The following BANK1 variants were observed in gnomAD, a reference collection of about 807,000 sequenced individuals.
BANK1 encodes the protein B-cell scaffold protein with ankyrin repeats.
In BANK1, 95 loss-of-function variants were observed where a neutral mutation model predicts 94.5. That is an observed-to-expected ratio of 1.00 (90% CI 0.85 to 1.19). The LOEUF (loss-of-function observed/expected upper bound fraction) is 1.19. BANK1 is among the 50% of genes most tolerant of loss of function. The probability of loss-of-function intolerance (pLI) is 0.00; values close to 1 mark genes in which losing one functional copy is unlikely to be tolerated. For synonymous variants in BANK1, 334 were observed against 308.4 expected, an observed-to-expected ratio of 1.08 and a Z score of -0.87; for missense variants, 987 against 932.2, an observed-to-expected ratio of 1.06 and a Z score of -0.77.
intron 3 of BANK1, among the ~76,000 whole-genome samples, chr4:101,855,890 T>C (rs1047881935): frequency 1.3e-5 from 2 of 152,152 alleles, no homozygotes; most frequent in Non-Finnish European, 2.9e-5. Flanking sequence ...TGGGAATATA[T>C]GTTCCTAGCA....
intron 7 of BANK1, among the ~76,000 whole-genome samples, chr4:102,002,434 G>A (rs1457092695): frequency 6.6e-6 from 1 of 151,410 alleles, no homozygotes; most frequent in African/African-American, 2.4e-5. Context: ...TGTGTGAAAA[G>A]CACATAGTGC....
intron 1 of BANK1, among the ~76,000 whole-genome samples, chr4:101,802,541 G>A (rs1474566615): frequency 6.6e-6 from 1 of 152,148 alleles, no homozygotes; most frequent in Admixed American, 6.5e-5. Context: ...CTGCTAAGAA[G>A]TTAGCAATTA....
Position 101,829,803 on chromosome 4 carries a change from TCCAGG to T in BANK1, c.71-4_71del, listed in dbSNP as rs1578341855. 1 of 1,504,454 alleles carries T rather than the reference TCCAGG, an allele frequency of 6.6e-7. No homozygotes were observed. The highest frequency in any genetic ancestry group is 8.9e-7 in the Non-Finnish European group (1 of 1,121,132). The allele number at this position is 1,504,454 out of a possible 1,614,324, so 93.2% of individuals were successfully genotyped here. A position where few individuals can be genotyped will look rare whatever the true frequency, so the allele number is the denominator to read the frequency against. ...AATATAAGAAAATATTTTTTCTTTT[TCCAGG>T]AAATACAAAAGATATAATAATGATA... On this transcript the variant is annotated splice_acceptor_variant and splice_polypyrimidine_tract_variant and coding_sequence_variant and intron_variant, in exon 2 of 17. Transcript: ENST00000322953. LOFTEE classifies it high-confidence loss of function.
At position 101,823,619 on chromosome 4, in the gene BANK1, T is replaced by G. The variant is rs1043275675; in HGVS notation, c.71-6189T>G. ...TGATTAGAGGTGGGATTAGAACATT[T>G]TCAGTTTATATATCCAGGGTTAGGA... On this transcript the variant is annotated intron_variant, in intron 1 of 16. Transcript: ENST00000322953. Among the ~76,000 whole-genome samples, 23 of 152,352 alleles carry G rather than the reference T, an allele frequency of 1.5e-4. No individual in the cohort carries two copies. The South Asian group carries it at 3.1e-3, about 21-fold the overall frequency.
Position 101,830,172 on chromosome 4 carries a change from C to T in BANK1, c.435C>T (p.Asp145=), listed in dbSNP as rs562959944. Residue 145 remains aspartate (D), a synonymous_variant, in exon 2 of 17, where the codon GAC becomes GAT. Coordinates refer to ENST00000322953, the MANE Select transcript of BANK1 (RefSeq NM_017935.5). ...TCTCAACTGAACAGGAACCTGAAGA[C>T]TACATCTCTGTAATCCAGAGTATCA... ...WEISTEQEPE[D]YISVIQSIIF... 17 of 1,579,754 alleles carry T rather than the reference C, an allele frequency of 1.1e-5. No individual in the cohort carries two copies. The African/African-American group carries it at 2.2e-4, about 20-fold the overall frequency.
intron 7 of BANK1, among the ~76,000 whole-genome samples, chr4:102,018,887 C>T (rs1204203637): frequency 1.4e-5 from 2 of 148,026 alleles, no homozygotes; most frequent in African/African-American, 2.5e-5. Flanking sequence ...GGTGCGATCT[C>T]GGCTCACTGC....
intron 13 of BANK1, among the ~76,000 whole-genome samples, chr4:102,067,211 C>T (rs571408264): frequency 2.0e-5 from 3 of 151,742 alleles, no homozygotes; most frequent in East Asian, 1.9e-4. Flanking sequence ...CTATTTGATT[C>T]GCCAAAAATA....
At chr4:101,842,917 C>G (rs1389558174) in intron 2 of BANK1, among the ~76,000 whole-genome samples, 1 of 152,156 alleles carries the variant, frequency 6.6e-6, no homozygotes, top group Non-Finnish European at 1.5e-5. Flanking sequence ...GACATCATTT[C>G]TTGATTTACA....
chr4:101,833,725 C>G (rs1468117663), intron 2 of BANK1, among the ~76,000 whole-genome samples: 1 of 152,132 alleles, frequency 6.6e-6, no homozygotes, highest in Non-Finnish European at 1.5e-5. Context: ...TCACTGTTTC[C>G]TATTTCCTCT....
chr4:101,819,147 A>G (rs1319043778), intron 1 of BANK1, among the ~76,000 whole-genome samples: 1 of 152,120 alleles, frequency 6.6e-6, no homozygotes, highest in African/African-American at 2.4e-5. Flanking sequence ...CCCAAAAAAT[A>G]CCATGGTGGT....
intron 10 of BANK1, among the ~76,000 whole-genome samples, chr4:102,033,381 G>A (rs954319448): frequency 6.6e-6 from 1 of 152,084 alleles, no homozygotes; most frequent in African/African-American, 2.4e-5. Context: ...AAGTACATTT[G>A]GATGGTTTTC....
chr4:101,803,647 T>A (rs1380689594), intron 1 of BANK1, among the ~76,000 whole-genome samples: 4 of 152,156 alleles, frequency 2.6e-5, no homozygotes, highest in Non-Finnish European at 4.4e-5. Flanking sequence ...ATATTGGAAA[T>A]TTTTTGGATA....
At position 101,918,155 on chromosome 4, in the gene BANK1, A is replaced by T; in HGVS notation, c.1172A>T (p.His391Leu). 1 of 1,588,858 alleles carries T rather than the reference A, an allele frequency of 6.3e-7. No homozygotes were observed. Among genetic ancestry groups the T allele is most frequent in the South Asian group, 1.2e-5 (1 of 84,920 alleles). ...DPAHIAERHG[H>L]KELKKIFEDF... ...GCACATATTGCTGAAAGGCATGGTC[A>T]CAAAGAACTCAAGAAAATCTTCGAA... Residue 391 changes from histidine to leucine, a missense_variant, in exon 7 of 17, where the codon CAC becomes CTC. Physicochemically the swap from His to Leu is moderately conservative, Grantham distance 99. Transcript: ENST00000322953.
At chr4:102,047,056 G>A (rs537973330) in intron 11 of BANK1, among the ~76,000 whole-genome samples, 4 of 152,252 alleles carry the variant, frequency 2.6e-5, no homozygotes, top group Middle Eastern at 3.4e-3. Context: ...ACCACTCCCA[G>A]TCAGGCTCCT....
rs536220725 is a variant in BANK1 at position 101,983,557 on chromosome 4, C to T, written c.1207-37957C>T. On this transcript the variant is annotated intron_variant, in intron 7 of 16. Coordinates refer to ENST00000322953, the MANE Select transcript of BANK1 (RefSeq NM_017935.5). Reference sequence around the variant, plus strand: ...CCTGGCAGCCATTATAATTTCAGTACAGCCCCTTCAGAAAATTGTTGGAAG... The same window carrying T: ...CCTGGCAGCCATTATAATTTCAGTATAGCCCCTTCAGAAAATTGTTGGAAG... Among the ~76,000 whole-genome samples the T allele has an allele frequency of 5.3e-5, 8 of 152,192 alleles. No individual in the cohort carries two copies. In the East Asian group the frequency reaches 1.3e-3, roughly 26 times the overall value.
intron 7 of BANK1, among the ~76,000 whole-genome samples, chr4:101,946,076 T>C (rs1438658385): frequency 6.6e-6 from 1 of 152,016 alleles, no homozygotes; most frequent in Non-Finnish European, 1.5e-5. Context: ...TAAACTTAAT[T>C]TTGGATTATT....
chr4:101,986,865 A>ATATATATGTATATATATATGTGTGTG (rs1408766213), intron 7 of BANK1, among the ~76,000 whole-genome samples: 1 of 10,966 alleles, frequency 9.1e-5, no homozygotes, highest in African/African-American at 2.4e-4. Flanking sequence ...GTATATATAT[A>ATATATATGTATATATATATGTGTGTG]TGTGTGTATG....
chr4:101,995,703 G>C (rs1725855000), intron 7 of BANK1, among the ~76,000 whole-genome samples: 1 of 152,134 alleles, frequency 6.6e-6, no homozygotes, highest in African/African-American at 2.4e-5. Context: ...CAGTGATGAT[G>C]AGCTTTTTTT....
At chr4:101,872,470 A>C (rs1479192311) in intron 5 of BANK1, among the ~76,000 whole-genome samples, 1 of 152,104 alleles carries the variant, frequency 6.6e-6, no homozygotes, top group African/African-American at 2.4e-5. Flanking sequence ...GGGTTTGTCT[A>C]AATCTTCTGG....
Sources: gnomAD v4.1 joint callset for allele counts (sites outside exome capture counted in the v4.1 genomes callset) on GRCh38, gnomAD v4.1.1 for gene constraint, MANE v1.5 for transcripts, NCBI Gene and HGNC (gene_info 2026-07-23, HGNC 2026-07-21) for gene names.